The following CHN1 variants were observed in gnomAD, a reference collection of about 807,000 sequenced individuals.
CHN1 encodes chimerin 1.
In CHN1, 37 loss-of-function variants were observed where a neutral mutation model predicts 59.5. That is an observed-to-expected ratio of 0.62 (90% CI 0.48 to 0.82). The LOEUF (loss-of-function observed/expected upper bound fraction) is 0.82. Ranked by LOEUF, CHN1 falls within the 40% of genes least tolerant of loss-of-function variation. CHN1 has a pLI of 0.00. For synonymous variants in CHN1, 206 were observed against 200.4 expected (o/e 1.03, Z -0.24); for missense variants, 469 against 571.0 (o/e 0.82, Z 1.82).
At chr2:174,841,573 C>T (rs1400102869) in intron 7 of CHN1, among the ~76,000 whole-genome samples, 2 of 152,130 alleles carry the variant, frequency 1.3e-5, no homozygotes, top group Admixed American at 6.5e-5. Flanking sequence ...TCTTCTCTTG[C>T]AAGTGGCCCA....
chr2:174,801,756 G>A lies in CHN1; in HGVS notation c.1159C>T (p.Pro387Ser), dbSNP rs890599734. ...CGGAGGGTTTCGCAGTGAGCAGGTG[G>A]CAGTAGTTTCAGTGCTTCATGAAGG... ...ETLHEALKLL[P>S]PAHCETLRYL... Residue 387 changes from proline to serine, a missense_variant, in exon 12 of 13, where the codon CCA (proline) becomes TCA (serine). Coordinates refer to ENST00000409900, the MANE Select transcript of CHN1 (RefSeq NM_001822.7). 2.5e-6 allele frequency: 4 copies of A among 1,613,492 alleles called. No homozygotes were observed. The highest frequency in any genetic ancestry group is 2.7e-5 in the African/African-American group (2 of 75,034).
chr2:174,982,411 C>T (rs948677271), intron 1 of CHN1, among the ~76,000 whole-genome samples: 1 of 152,172 alleles, frequency 6.6e-6, no homozygotes, highest in Non-Finnish European at 1.5e-5. Context: ...TACAGTCCCA[C>T]CAACAGTGTA....
At chr2:174,892,245 G>C (rs931647705) in intron 5 of CHN1, among the ~76,000 whole-genome samples, 2 of 152,220 alleles carry the variant, frequency 1.3e-5, no homozygotes, top group African/African-American at 4.8e-5. Context: ...TTGAATGTTT[G>C]TGTCCCCTGC....
intron 1 of CHN1, among the ~76,000 whole-genome samples, chr2:174,958,704 A>G (rs982039050): frequency 6.6e-6 from 1 of 152,222 alleles, no homozygotes; most frequent in Non-Finnish European, 1.5e-5. Flanking sequence ...TGGAATAACA[A>G]TATCATCTAA....
At chr2:174,910,395 T>C (rs567960451) in intron 5 of CHN1, among the ~76,000 whole-genome samples, 4 of 152,158 alleles carry the variant, frequency 2.6e-5, no homozygotes, top group Non-Finnish European at 5.9e-5. Flanking sequence ...AAAGAATTTT[T>C]TTTTTTTAAT....
chr2:174,816,836 C>A (rs1440993925), intron 8 of CHN1, among the ~76,000 whole-genome samples: 2 of 152,102 alleles, frequency 1.3e-5, no homozygotes, highest in African/African-American at 2.4e-5. Flanking sequence ...AATTCAACAA[C>A]CTTCATAATC....
chr2:174,931,992 T>A lies in CHN1; in HGVS notation c.114+12896A>T, dbSNP rs138893322. 4.4e-3 allele frequency among the ~76,000 whole-genome samples: 671 copies of A among 152,244 alleles called. 5 individuals carry two copies. Among genetic ancestry groups the A allele is most frequent in the African/African-American group, 0.015 (632 of 41,530 alleles). On this transcript the variant is annotated intron_variant, in intron 3 of 12. Transcript: ENST00000409900. ...GGACCTTATAAGGCACTGTGAAGGTTTGGCTTTTACTCTGAGTGACAGGGA... is the reference window on the plus strand; with the variant it reads ...GGACCTTATAAGGCACTGTGAAGGTATGGCTTTTACTCTGAGTGACAGGGA...
intron 5 of CHN1, among the ~76,000 whole-genome samples, chr2:174,895,888 C>G (rs1486337482): frequency 6.6e-6 from 1 of 152,044 alleles, no homozygotes; most frequent in Non-Finnish European, 1.5e-5. Flanking sequence ...TTTCAGTGAG[C>G]AGAGGAGAGA....
chr2:174,801,427 A>G (rs1406308714), intron 12 of CHN1, among the ~76,000 whole-genome samples: 2 of 152,242 alleles, frequency 1.3e-5, no homozygotes, highest in Non-Finnish European at 2.9e-5. Flanking sequence ...CACAAAAATT[A>G]GTGCATGTCC....
chr2:174,928,259 T>C (rs1234803901), intron 3 of CHN1, among the ~76,000 whole-genome samples: 2 of 152,216 alleles, frequency 1.3e-5, no homozygotes, highest in East Asian at 1.9e-4. Context: ...TAATTCTATA[T>C]ATACACTGCT....
At chr2:174,907,613 GTTTT>G (rs563081352) in intron 5 of CHN1, among the ~76,000 whole-genome samples, 1 of 130,396 alleles carries the variant, frequency 7.7e-6, no homozygotes, top group South Asian at 2.5e-4. Context: ...AGCTCTTTTG[GTTTT>G]TTTTTTTTTT....
At chr2:174,820,349 C>CTGAT (rs1558937668) in intron 8 of CHN1, among the ~76,000 whole-genome samples, 1 of 152,122 alleles carries the variant, frequency 6.6e-6, no homozygotes, top group Non-Finnish European at 1.5e-5. Flanking sequence ...TGACTTTTTA[C>CTGAT]TGATTGCCAT....
chr2:174,934,880 T>G (rs1486503965), intron 3 of CHN1, among the ~76,000 whole-genome samples: 13 of 152,184 alleles, frequency 8.5e-5, no homozygotes, highest in Admixed American at 8.5e-4. Context: ...CTCTTGACTA[T>G]TCTCAGAACC....
rs571203048 is a variant in CHN1 at position 175,001,138 on chromosome 2, T to G, written c.19+3756A>C. On this transcript the variant is annotated intron_variant, in intron 1 of 12. Coordinates refer to ENST00000409900, the MANE Select transcript of CHN1 (RefSeq NM_001822.7). ...GAAGGAACATGGACAAAAATTTAAA[T>G]AAGGATGATGATTTAAATGACAGCT... Among the ~76,000 whole-genome samples, 5 of 152,272 alleles carry G rather than the reference T, an allele frequency of 3.3e-5. No homozygotes were observed. In the East Asian group the frequency reaches 9.6e-4, roughly 29 times the overall value.
chr2:174,839,529 T>C (rs970316580), intron 7 of CHN1, among the ~76,000 whole-genome samples: 4 of 152,094 alleles, frequency 2.6e-5, no homozygotes, highest in African/African-American at 7.2e-5. Context: ...TCAGTTATAA[T>C]AGATTGAGTA....
In CHN1 at chr2:174,945,944, A is replaced by T. The variant is rs562199111; in HGVS notation, c.59-1001T>A. ...GTGTGTGTGTGTGTATATATATATA[A>T]ATGTGTGTGTATATATATACTATCT... On this transcript the variant is annotated intron_variant, in intron 2 of 12. Transcript: ENST00000409900. 4.0e-4 allele frequency among the ~76,000 whole-genome samples: 59 copies of T among 148,558 alleles called. No homozygotes were observed. In the South Asian group the frequency reaches 0.011, roughly 28 times the overall value.
intron 7 of CHN1, among the ~76,000 whole-genome samples, chr2:174,845,137 CT>C (rs1686463169): frequency 6.6e-6 from 1 of 152,124 alleles, no homozygotes; most frequent in Admixed American, 6.6e-5. Context: ...TATGCAAATT[CT>C]TGAATAGACC....
intron 1 of CHN1, among the ~76,000 whole-genome samples, chr2:174,993,945 C>A (rs1011639589): frequency 6.6e-6 from 1 of 152,092 alleles, no homozygotes; most frequent in Non-Finnish European, 1.5e-5. Context: ...CTGTAGCAGA[C>A]AAATTAATGA....
At chr2:174,911,885 T>C (rs1210369429) in intron 5 of CHN1, among the ~76,000 whole-genome samples, 2 of 152,156 alleles carry the variant, frequency 1.3e-5, no homozygotes, top group East Asian at 1.9e-4. Flanking sequence ...AGATCATTTA[T>C]AGTACTGGGA....
Sources: gnomAD v4.1 joint callset for allele counts (sites outside exome capture counted in the v4.1 genomes callset) on GRCh38, gnomAD v4.1.1 for gene constraint, MANE v1.5 for transcripts, NCBI Gene and HGNC (gene_info 2026-07-23, HGNC 2026-07-21) for gene names.